The following DNM2 variants were observed in gnomAD, a reference collection of about 807,000 sequenced individuals.
The protein encoded by DNM2 is dynamin-2.
DNM2 carries 15 observed loss-of-function variants against 99.0 expected under a neutral mutation model. The observed-to-expected ratio is 0.15, with a 90% CI of 0.10 to 0.23. DNM2 has a LOEUF of 0.23. DNM2 is among the 10% of genes least tolerant of loss of function. The pLI, the probability that DNM2 is intolerant of heterozygous loss-of-function variation, is 1.00. For missense variants in DNM2, 742 were observed against 1,189.4 expected, an observed-to-expected ratio of 0.62 and a Z score of 5.53; for synonymous variants, 525 against 481.2, an observed-to-expected ratio of 1.09 and a Z score of -1.19.
chr19:10,743,233 C>G (rs893564382), intron 1 of DNM2, among the ~76,000 whole-genome samples: 2 of 152,016 alleles, frequency 1.3e-5, no homozygotes, highest in Non-Finnish European at 2.9e-5. Context: ...TGCCGTGCAG[C>G]TAGCATTTGC....
At chr19:10,827,489 A>C (rs1246622033) in intron 18 of DNM2, among the ~76,000 whole-genome samples, 2 of 152,126 alleles carry the variant, frequency 1.3e-5, no homozygotes, top group Non-Finnish European at 2.9e-5. Context: ...AGATCACTTG[A>C]GCCCAGGAGA....
chr19:10,718,356 C>T lies in DNM2; in HGVS notation c.114C>T (p.Gly38=). 2.0e-6 allele frequency: 3 copies of T among 1,521,396 alleles called. No homozygotes were observed. Among genetic ancestry groups the T allele is most frequent in the Non-Finnish European group, 1.8e-6 (2 of 1,136,700 alleles). The allele number at this position is 1,521,396 out of a possible 1,614,324, so 94.2% of individuals were successfully genotyped here. The change falls in exon 1 of 21, where the codon GGC becomes GGT. Residue 38 remains glycine (G), a synonymous_variant. Coordinates refer to ENST00000389253, the MANE Select transcript of DNM2 (RefSeq NM_001005361.3). ...ACCTGCCGCAGATCGCTGTAGTGGG[C>T]GGCCAGAGCGCCGGCAAGAGCTCGG... is the stretch of plus-strand genomic sequence containing the variant. The part of the protein sequence containing the change: ...HLDLPQIAVV[G]GQSAGKSSVL...
chr19:10,794,157 C>T (rs554572637), intron 8 of DNM2, among the ~76,000 whole-genome samples: 2 of 152,262 alleles, frequency 1.3e-5, no homozygotes, highest in Non-Finnish European at 2.9e-5. Flanking sequence ...ATGTCCCTAG[C>T]ATGTCATTGA....
Position 10,775,938 on chromosome 19 carries a change from C to A in DNM2, c.589+32C>A, listed in dbSNP as rs1023708615. 6.9e-6 allele frequency: 11 copies of A among 1,603,938 alleles called. No homozygotes were observed. In the African/African-American group the frequency reaches 1.5e-4, roughly 21 times the overall value. On this transcript the variant is annotated intron_variant, in intron 4 of 20. Transcript: ENST00000389253. This position sits in a 1 kb window ranked among gnomAD's most constrained non-coding sequence, Gnocchi z 4.3. The stretch of plus-strand genomic sequence containing the variant: ...CTGAGCCTAGGGCAGTCCCCTCTTC[C>A]AGGTGCCTCTGAGCATGGGATGTGC...
At chr19:10,797,553 C>T (rs1949884539) in intron 10 of DNM2, 35 bp downstream of exon 10, 2 of 1,613,228 alleles carry the variant, frequency 1.2e-6, no homozygotes, top group African/African-American at 2.7e-5. Context: ...GCATTTGTCC[C>T]CGTCCTCCCC....
intron 2 of DNM2, among the ~76,000 whole-genome samples, chr19:10,770,369 C>A (rs1327002608): frequency 6.6e-6 from 1 of 152,154 alleles, no homozygotes; most frequent in Non-Finnish European, 1.5e-5. Flanking sequence ...TGGGTCAGGT[C>A]TCTGACCTCT....
chr19:10,791,882 T>C (rs751070948), intron 7 of DNM2, among the ~76,000 whole-genome samples: 35 of 152,054 alleles, frequency 2.3e-4, no homozygotes, highest in Non-Finnish European at 4.1e-4. Flanking sequence ...GGTCAGGAGA[T>C]TGAGAGACCA....
chr19:10,724,658 G>A (rs1347858983), intron 1 of DNM2, among the ~76,000 whole-genome samples: 1 of 152,118 alleles, frequency 6.6e-6, no homozygotes, highest in Non-Finnish European at 1.5e-5. Context: ...TATTAGGGTG[G>A]GACCAGGCCT....
At chr19:10,819,828 G>A (rs1456359886) in intron 15 of DNM2, 152 bp from the exon 16 acceptor site, 24 of 744,900 alleles carry the variant, frequency 3.2e-5, no homozygotes, top group South Asian at 2.8e-5. Context: ...AGTGACGGAC[G>A]GGGAAGGGCC....
intron 2 of DNM2, among the ~76,000 whole-genome samples, chr19:10,766,279 C>T (rs1328435556): frequency 1.3e-5 from 2 of 152,186 alleles, no homozygotes; most frequent in South Asian, 2.1e-4. Flanking sequence ...ATAGGGAGGG[C>T]CATTCTCTGA....
chr19:10,748,345 ACTCG>A (rs1283342135), intron 1 of DNM2, among the ~76,000 whole-genome samples: 1 of 152,038 alleles, frequency 6.6e-6, no homozygotes, highest in Non-Finnish European at 1.5e-5. Flanking sequence ...AACCAGCAGG[ACTCG>A]CGGCTGGACA....
At chr19:10,735,763 C>T (rs1175081909) in intron 1 of DNM2, among the ~76,000 whole-genome samples, 2 of 151,970 alleles carry the variant, frequency 1.3e-5, no homozygotes, top group Non-Finnish European at 2.9e-5. Context: ...ATCCTCTTGC[C>T]TCTGGCTCCC....
chr19:10,814,635 A>AT, intron 15 of DNM2, among the ~76,000 whole-genome samples: 1 of 151,678 alleles, frequency 6.6e-6, no homozygotes, highest in Admixed American at 6.6e-5. Context: ...AGCCTCTAGT[A>AT]TTTATCCTTC....
At chr19:10,821,969 G>A (rs943564264) in intron 16 of DNM2, among the ~76,000 whole-genome samples, 4 of 152,148 alleles carry the variant, frequency 2.6e-5, no homozygotes, top group Admixed American at 1.3e-4. Context: ...TCCAGAGGTC[G>A]TTCGGGGCAG....
chr19:10,795,737 C>A lies in DNM2; in HGVS notation c.1196+298C>A. 1.7e-6 allele frequency: 1 copy of A among 579,620 alleles called. No homozygotes were observed. The highest frequency in any genetic ancestry group is 3.1e-6 in the Non-Finnish European group (1 of 325,574). 35.9% of individuals were successfully genotyped at this position (579,620 alleles called of 1,614,324 possible). On this transcript the variant is annotated intron_variant, in intron 9 of 20. Transcript: ENST00000389253. This position sits in a 1 kb window ranked among gnomAD's most constrained non-coding sequence, Gnocchi z 4.2. Reference sequence around the variant, plus strand: ...CATGCTAAACTAAGAATGCTCACTGCAGATTTGCCTGGGGAGGGGCGGGGC... The same window carrying A: ...CATGCTAAACTAAGAATGCTCACTGAAGATTTGCCTGGGGAGGGGCGGGGC...
intron 1 of DNM2, among the ~76,000 whole-genome samples, chr19:10,750,846 A>G (rs1324868459): frequency 6.6e-6 from 1 of 151,848 alleles, no homozygotes; most frequent in Non-Finnish European, 1.5e-5. Context: ...GGCAGGAGTA[A>G]GCTGAGATTG....
intron 7 of DNM2, among the ~76,000 whole-genome samples, chr19:10,793,404 G>A (rs1215852817): frequency 6.6e-6 from 1 of 152,170 alleles, no homozygotes; most frequent in Non-Finnish European, 1.5e-5. Context: ...TGTAAATCAA[G>A]TTGAGCTTCA....
At position 10,815,905 on chromosome 19, in the gene DNM2, C is replaced by A. The variant is rs1302628094; in HGVS notation, c.1671+3528C>A. Among the ~76,000 whole-genome samples the A allele has an allele frequency of 5.9e-5, 9 of 152,286 alleles. 1 individual carries two copies. The South Asian group carries it at 1.7e-3, about 28-fold the overall frequency. On this transcript the variant is annotated intron_variant, in intron 15 of 20. Transcript: ENST00000389253. ...GAGAAGGCAGGCTGGGGGGCCCCGG[C>A]TGGCCCCAGGGAGAAGCAAAGAGAG... is the stretch of plus-strand genomic sequence containing the variant.
chr19:10,735,670 C>A (rs138988495), intron 1 of DNM2, among the ~76,000 whole-genome samples: 3 of 151,536 alleles, frequency 2.0e-5, no homozygotes, highest in African/African-American at 7.3e-5. Context: ...CCCACCACCA[C>A]GCCCGGCTAA....
Sources: gnomAD v4.1 joint callset for allele counts (sites outside exome capture counted in the v4.1 genomes callset) on GRCh38, gnomAD v4.1.1 for gene constraint, Gnocchi (gnomAD v3.1) non-coding constraint, MANE v1.5 for transcripts, NCBI Gene and HGNC (gene_info 2026-07-23, HGNC 2026-07-21) for gene names.